SSBP3: variants seen among roughly 807,000 people sequenced by gnomAD.
The protein encoded by SSBP3 is single-stranded DNA-binding protein 3.
A neutral mutation model predicts 69.6 loss-of-function variants in SSBP3; 5 were observed. That is an observed-to-expected ratio of 0.07 (90% CI 0.04 to 0.15). The LOEUF (loss-of-function observed/expected upper bound fraction) is 0.15, where lower values mean the gene tolerates loss of function less well. Ranked by LOEUF, SSBP3 falls within the 10% of genes least tolerant of loss-of-function variation. The pLI is 1.00. For missense variants in SSBP3, 312 were observed against 534.0 expected (o/e 0.58, Z 4.10); for synonymous variants, 196 against 193.4 (o/e 1.01, Z -0.11).
At chr1:54,256,210 G>A (rs1644918857) in intron 7 of SSBP3, among the ~76,000 whole-genome samples, 1 of 152,144 alleles carries the variant, frequency 6.6e-6, no homozygotes, top group South Asian at 2.1e-4. Flanking sequence ...TAATTTAGCT[G>A]GTGACTAAAC....
rs71066908 is a variant in SSBP3, at chr1:54,227,186, G to GGA, written c.1138-27_1138-26insTC. On this transcript the variant is annotated intron_variant, in intron 17 of 17. Coordinates refer to ENST00000610401, the Ensembl canonical transcript of SSBP3. ...CTGGAAAGGAGAAGCAGAGAAGGGG[G>GGA]GGGGGTGAGGATTGTGGGGAGGCCG... 3.5e-6 allele frequency: 4 copies of GGA among 1,143,786 alleles called. 1 individual carries two copies. The highest frequency in any genetic ancestry group is 5.1e-6 in the Non-Finnish European group (4 of 777,104). The allele number at this position is 1,143,786 out of a possible 1,614,324, so 70.9% of individuals were successfully genotyped here.
chr1:54,347,257 C>T (rs1042960939), intron 4 of SSBP3, among the ~76,000 whole-genome samples: 2 of 151,812 alleles, frequency 1.3e-5, no homozygotes, highest in East Asian at 1.9e-4. Flanking sequence ...TGTGAGCCAC[C>T]GTGCCCAGCC....
chr1:54,401,420 C>T (rs949881979), intron 4 of SSBP3, among the ~76,000 whole-genome samples: 5 of 151,970 alleles, frequency 3.3e-5, no homozygotes, highest in Admixed American at 6.6e-5. Flanking sequence ...TTTGAAAGAT[C>T]GCTCTCTGGA....
At chr1:54,250,060 T>G (rs1232298447) in intron 9 of SSBP3, among the ~76,000 whole-genome samples, 2 of 152,212 alleles carry the variant, frequency 1.3e-5, no homozygotes, top group Middle Eastern at 3.2e-3. Flanking sequence ...TGTATCTGAC[T>G]CAGGAGAGGG....
chr1:54,238,004 T>C, intron 14 of SSBP3: 1 of 383,952 alleles, frequency 2.6e-6, no homozygotes, highest in South Asian at 2.0e-5. Flanking sequence ...TTTCATACTT[T>C]CCACCCAACC....
intron 4 of SSBP3, among the ~76,000 whole-genome samples, chr1:54,306,653 C>T (rs940479162): frequency 9.9e-5 from 15 of 152,276 alleles, no homozygotes; most frequent in African/African-American, 3.4e-4. Flanking sequence ...CTGAGCGCTT[C>T]GTGTGATTGC....
chr1:54,260,606 C>T (rs1479531205), intron 5 of SSBP3, among the ~76,000 whole-genome samples: 1 of 152,238 alleles, frequency 6.6e-6, no homozygotes, highest in Non-Finnish European at 1.5e-5. Flanking sequence ...CCCTGGGGGA[C>T]TCTGGAGACC....
intron 4 of SSBP3, among the ~76,000 whole-genome samples, chr1:54,381,418 G>A (rs889750953): frequency 1.1e-4 from 17 of 148,150 alleles, no homozygotes; most frequent in African/African-American, 4.2e-4. Context: ...GAGAGAGAGA[G>A]CATGTCAGTA....
intron 4 of SSBP3, among the ~76,000 whole-genome samples, chr1:54,341,539 T>G (rs895636915): frequency 1.5e-4 from 23 of 152,136 alleles, no homozygotes; most frequent in African/African-American, 5.3e-4. Context: ...CCCATGGTAG[T>G]AAGTGCTGTG....
At chr1:54,345,253 C>T (rs1646670991) in intron 4 of SSBP3, among the ~76,000 whole-genome samples, 1 of 152,174 alleles carries the variant, frequency 6.6e-6, no homozygotes, top group South Asian at 2.1e-4. Flanking sequence ...TTATCCACTG[C>T]AGAAACACAG....
chr1:54,257,320 TCC>T (rs1644939147), intron 6 of SSBP3, 134 bp from the exon 7 acceptor site: 1 of 729,372 alleles, frequency 1.4e-6, no homozygotes, highest in African/African-American at 1.9e-5. Context: ...GCTAGCCTCT[TCC>T]CTTTGACAGC....
chr1:54,240,737 G>C (rs1460453106), intron 13 of SSBP3, among the ~76,000 whole-genome samples, 168 bp downstream of exon 13: 1 of 152,136 alleles, frequency 6.6e-6, no homozygotes, highest in Non-Finnish European at 1.5e-5. Context: ...GAGTAGGTTA[G>C]TGTCATCAAG....
intron 5 of SSBP3, among the ~76,000 whole-genome samples, chr1:54,270,819 C>T (rs1001835226): frequency 6.6e-6 from 1 of 152,174 alleles, no homozygotes; most frequent in African/African-American, 2.4e-5. Context: ...CCTATCATCG[C>T]CCCCAATTAT....
intron 4 of SSBP3, among the ~76,000 whole-genome samples, chr1:54,290,924 A>AACAC (rs965210838): frequency 1.3e-5 from 2 of 152,238 alleles, no homozygotes; most frequent in East Asian, 1.9e-4. Context: ...CCATTAGCAA[A>AACAC]ACACACACAC....
chr1:54,364,369 C>T (rs1461400794), intron 4 of SSBP3, among the ~76,000 whole-genome samples: 1 of 152,184 alleles, frequency 6.6e-6, no homozygotes, highest in Non-Finnish European at 1.5e-5. Flanking sequence ...AGAATAAAGA[C>T]AGCTAGTTCA....
At chr1:54,409,215 C>T (rs1209941756), upstream of SSBP3, among the ~76,000 whole-genome samples, 1 of 152,082 alleles carries the variant, frequency 6.6e-6, no homozygotes, top group African/African-American at 2.4e-5. Context: ...CTTCTTCTAC[C>T]ATCCTTTAAG....
chr1:54,344,982 G>A (rs1239672910), intron 4 of SSBP3, among the ~76,000 whole-genome samples: 2 of 152,198 alleles, frequency 1.3e-5, no homozygotes, highest in Non-Finnish European at 2.9e-5. Context: ...ACAGCACTGA[G>A]GAGACGTATA....
chr1:54,391,806 C>T (rs954222845), intron 4 of SSBP3, among the ~76,000 whole-genome samples: 2 of 152,170 alleles, frequency 1.3e-5, no homozygotes, highest in Non-Finnish European at 2.9e-5. Context: ...GGATGCCTTA[C>T]GACCTATTCT....
At chr1:54,399,139 TGGAAG>T (rs1300259571) in intron 4 of SSBP3, among the ~76,000 whole-genome samples, 1 of 152,196 alleles carries the variant, frequency 6.6e-6, no homozygotes, top group African/African-American at 2.4e-5. Context: ...GCCTGCTACA[TGGAAG>T]GTACTGTGGG....
Sources: allele counts gnomAD v4.1 joint callset (sites outside exome capture counted in the v4.1 genomes callset), GRCh38; gene constraint gnomAD v4.1.1; transcripts MANE v1.5; gene names NCBI Gene and HGNC (gene_info 2026-07-23, HGNC 2026-07-21).